Variants in RTN4R observed in about 807,000 individuals in gnomAD.
RTN4R encodes reticulon 4 receptor, also known as reticulon-4 receptor.
In RTN4R, 4 loss-of-function variants were observed where a neutral mutation model predicts 27.7. The ratio of observed to expected loss-of-function variants is 0.14; its 90% confidence interval spans 0.07 to 0.33. The LOEUF is 0.33. Among genes scored for constraint, RTN4R ranks in the 10% least tolerant of loss-of-function variants. RTN4R has a pLI of 1.00. For synonymous variants in RTN4R, 290 were observed against 305.6 expected, an observed-to-expected ratio of 0.95 and a Z score of 0.53; for missense variants, 554 against 671.5, an observed-to-expected ratio of 0.83 and a Z score of 1.93.
At position 20,258,771 on chromosome 22, in the gene RTN4R, G is replaced by T. The variant is rs574052815; in HGVS notation, c.22+9300C>A. ...AAGCTCCCTGTGATCTGGGGGCCAG[G>T]GGATCCTGAGTACCCTGCCTCCTGG... On this transcript the variant is annotated intron_variant, in intron 1 of 1. Transcript: ENST00000043402. Among the ~76,000 whole-genome samples the T allele has an allele frequency of 3.3e-5, 5 of 152,324 alleles. No individual in the cohort carries two copies. The South Asian group carries it at 1.0e-3, about 32-fold the overall frequency.
chr22:20,267,184 G>T (rs1294565589), intron 1 of RTN4R, among the ~76,000 whole-genome samples: 1 of 152,270 alleles, frequency 6.6e-6, no homozygotes, highest in Non-Finnish European at 1.5e-5. Flanking sequence ...CTGGGGCGGC[G>T]TTGGCTTGCA....
In RTN4R at chr22:20,264,401, A is replaced by C. The variant is rs563920183; in HGVS notation, c.22+3670T>G. On this transcript the variant is annotated intron_variant, in intron 1 of 1. Coordinates refer to ENST00000043402, the MANE Select transcript of RTN4R (RefSeq NM_023004.6). ...GCTGGGCCCCAGGGACAGTGCAGGG[A>C]GATTTGTGGGGTGGGGCAGCATGCC... Among the ~76,000 whole-genome samples the C allele has an allele frequency of 2.0e-5, 3 of 152,124 alleles. No homozygotes were observed. The East Asian group carries it at 5.8e-4, about 29-fold the overall frequency.
chr22:20,245,504 G>GTCC (rs1220205333), intron 1 of RTN4R, among the ~76,000 whole-genome samples: 1 of 152,092 alleles, frequency 6.6e-6, no homozygotes, highest in African/African-American at 2.4e-5. Context: ...GGGGGAGGGT[G>GTCC]TCCTCTGACC....
rs2051290841 is a variant in RTN4R at position 20,268,185 on chromosome 22, G to T, written c.-93C>A. 2 of 535,914 alleles carry T rather than the reference G, an allele frequency of 3.7e-6. No individual in the cohort carries two copies. Among genetic ancestry groups the T allele is most frequent in the East Asian group, 7.8e-5 (1 of 12,884 alleles). 33.2% of individuals were successfully genotyped at this position (535,914 alleles called of 1,614,324 possible). On this transcript the variant is annotated 5_prime_UTR_variant, in exon 1 of 2. Coordinates refer to ENST00000043402, the MANE Select transcript of RTN4R (RefSeq NM_023004.6). ...GCCGGGTCCGCATCCAGGCGCCGCC[G>T]CTACGGCCCGGCCCCGGCCCGGCCG...
At chr22:20,248,198 T>G (rs190937701) in intron 1 of RTN4R, among the ~76,000 whole-genome samples, 1 of 152,218 alleles carries the variant, frequency 6.6e-6, no homozygotes, top group African/African-American at 2.4e-5. Context: ...ACAAGAAACA[T>G]GCCTAAAAGT....
rs540235881 is a variant in RTN4R at position 20,255,897 on chromosome 22, C to T, written c.22+12174G>A. Among the ~76,000 whole-genome samples, 26 of 152,344 alleles carry T rather than the reference C, an allele frequency of 1.7e-4. No homozygotes were observed. Among genetic ancestry groups the T allele is most frequent in the African/African-American group, 5.8e-4 (24 of 41,576 alleles). Reference sequence around the variant, plus strand: ...TGCTATGAGAGCCCCCAATGCGTCTCCACAACCAAACCGAGGCACGCACGC... The same window carrying T: ...TGCTATGAGAGCCCCCAATGCGTCTTCACAACCAAACCGAGGCACGCACGC... On this transcript the variant is annotated intron_variant, in intron 1 of 1. Coordinates refer to ENST00000043402, the MANE Select transcript of RTN4R (RefSeq NM_023004.6). This position sits in a 1 kb window ranked among gnomAD's most constrained non-coding sequence, Gnocchi z 4.8.
intron 1 of RTN4R, among the ~76,000 whole-genome samples, chr22:20,248,712 A>G (rs1324511106): frequency 6.6e-6 from 1 of 152,096 alleles, no homozygotes; most frequent in Non-Finnish European, 1.5e-5. Context: ...CAGGTGCCCT[A>G]TGGGAGAGTT....
chr22:20,262,863 C>T (rs2051255845), intron 1 of RTN4R, among the ~76,000 whole-genome samples: 1 of 152,230 alleles, frequency 6.6e-6, no homozygotes, highest in African/African-American at 2.4e-5. Context: ...CCGAGCTGGG[C>T]CCTGGCAGAA....
At chr22:20,243,879 C>G (rs1373719679) in intron 1 of RTN4R, among the ~76,000 whole-genome samples, 1 of 152,104 alleles carries the variant, frequency 6.6e-6, no homozygotes, top group Admixed American at 6.5e-5. Context: ...TCTCCCCCAG[C>G]CCCAGGTGCC....
At position 20,241,978 on chromosome 22, in the gene RTN4R, C is replaced by A. The variant is rs200898459; in HGVS notation, c.1155G>T (p.Gly385=). ...GPRHINDSPF[G]TLPGSAEPPL... is the part of the protein sequence containing the mutation. ...GGGGCTCAGCAGAGCCAGGCAGAGT[C>A]CCAAAGGGTGAGTCATTGATGTGCC... The change falls in exon 2 of 2, where the codon GGG becomes GGT. Residue 385 remains glycine, a synonymous_variant. Coordinates refer to ENST00000043402, the MANE Select transcript of RTN4R (RefSeq NM_023004.6). The A allele has an allele frequency of 2.5e-6, 4 of 1,609,996 alleles. No homozygotes were observed. The East Asian group carries it at 8.9e-5, about 36-fold the overall frequency.
intron 1 of RTN4R, among the ~76,000 whole-genome samples, chr22:20,254,300 A>G (rs901220983): frequency 3.3e-5 from 5 of 151,638 alleles, no homozygotes; most frequent in African/African-American, 1.2e-4. Context: ...GTGGTGATGC[A>G]TGCCTGTAAT....
rs1479949584 is a variant in RTN4R, at chr22:20,262,461, A to C, written c.22+5610T>G. ...ATGTGGCAGCGGAGGGGGGACATGT[A>C]ACTGGGGACTGTGGACTCCCAGCTG... On this transcript the variant is annotated intron_variant, in intron 1 of 1. Transcript: ENST00000043402. Among the ~76,000 whole-genome samples, 8 of 152,270 alleles carry C rather than the reference A, an allele frequency of 5.3e-5. No individual in the cohort carries two copies. The South Asian group carries it at 1.7e-3, about 32-fold the overall frequency.
chr22:20,241,969 A>G lies in RTN4R; in HGVS notation c.1164T>C (p.Pro388=). The change falls in exon 2 of 2, where the codon CCT becomes CCC. Residue 388 remains proline, a synonymous_variant. Coordinates refer to ENST00000043402, the MANE Select transcript of RTN4R (RefSeq NM_023004.6). The part of the protein sequence containing the change: ...HINDSPFGTL[P]GSAEPPLTAV... ...CAGTGAGCGGGGGCTCAGCAGAGCC[A>G]GGCAGAGTCCCAAAGGGTGAGTCAT... The G allele has an allele frequency of 1.2e-6, 2 of 1,609,644 alleles. No individual in the cohort carries two copies. Among genetic ancestry groups the G allele is most frequent in the African/African-American group, 1.3e-5 (1 of 75,032 alleles).
chr22:20,244,471 C>G (rs1432362975), intron 1 of RTN4R, among the ~76,000 whole-genome samples: 1 of 152,224 alleles, frequency 6.6e-6, no homozygotes, highest in Non-Finnish European at 1.5e-5. Flanking sequence ...GTCCTCAGAC[C>G]CCCTCCCCAC....
intron 1 of RTN4R, among the ~76,000 whole-genome samples, chr22:20,244,412 C>A (rs545167321): frequency 6.6e-6 from 1 of 152,342 alleles, no homozygotes; most frequent in Non-Finnish European, 1.5e-5. Context: ...AAGCCCAGCA[C>A]GCGCAGTGAC....
intron 1 of RTN4R, among the ~76,000 whole-genome samples, chr22:20,247,865 A>T (rs1035859199): frequency 2.6e-5 from 4 of 152,174 alleles, no homozygotes; most frequent in Admixed American, 2.6e-4. Flanking sequence ...TGTGGGGGAA[A>T]CTGAGGCCCA....
intron 1 of RTN4R, among the ~76,000 whole-genome samples, chr22:20,260,005 G>T (rs373154721): frequency 6.6e-6 from 1 of 152,192 alleles, no homozygotes; most frequent in Non-Finnish European, 1.5e-5. Flanking sequence ...CCCACTGGGA[G>T]TGCATCTTGG....
rs181985076 is a variant in RTN4R at position 20,255,176 on chromosome 22, G to A, written c.23-12066C>T. On this transcript the variant is annotated intron_variant, in intron 1 of 1. Transcript: ENST00000043402. This position sits in a 1 kb window ranked among gnomAD's most constrained non-coding sequence, Gnocchi z 4.8. Reference sequence around the variant, plus strand: ...TCCAGACCAGCCTCCGAGGCTGGGTGCAGGTGTTAACTCTGCAATATGTTG... The same window carrying A: ...TCCAGACCAGCCTCCGAGGCTGGGTACAGGTGTTAACTCTGCAATATGTTG... Among the ~76,000 whole-genome samples the A allele has an allele frequency of 3.7e-4, 57 of 152,350 alleles. No homozygotes were observed. Among genetic ancestry groups the A allele is most frequent in the Admixed American group, 3.5e-3 (54 of 15,306 alleles).
chr22:20,243,708 A>C (rs769040559), intron 1 of RTN4R: 13 of 364,798 alleles, frequency 3.6e-5, no homozygotes, highest in Non-Finnish European at 6.2e-5. Flanking sequence ...GCACTTCCTG[A>C]CTTGGCAGGA....
Sources: gnomAD v4.1 joint callset for allele counts (sites outside exome capture counted in the v4.1 genomes callset) on GRCh38, gnomAD v4.1.1 for gene constraint, Gnocchi (gnomAD v3.1) non-coding constraint, MANE v1.5 for transcripts, NCBI Gene and HGNC (gene_info 2026-07-23, HGNC 2026-07-21) for gene names.